The following FBXL17 variants were observed in gnomAD, a reference collection of about 807,000 sequenced individuals.
FBXL17 encodes F-box/LRR-repeat protein 17.
Under a neutral mutation model 66.2 loss-of-function variants are expected in FBXL17, and 22 were observed. The ratio of observed to expected loss-of-function variants is 0.33; its 90% confidence interval spans 0.24 to 0.47. The LOEUF is 0.47. Among genes scored for constraint, FBXL17 ranks in the 20% least tolerant of loss-of-function variants. The pLI, the probability that FBXL17 is intolerant of heterozygous loss-of-function variation, is 1.00. For synonymous variants in FBXL17, 474 were observed against 400.5 expected (o/e 1.18, Z -2.19); for missense variants, 878 against 948.2 (o/e 0.93, Z 0.97).
intron 7 of FBXL17, among the ~76,000 whole-genome samples, chr5:107,884,748 G>A (rs917992978): frequency 4.6e-5 from 7 of 152,258 alleles, no homozygotes; most frequent in African/African-American, 1.2e-4. Flanking sequence ...GAGTCTCAGC[G>A]TCCTTACCTG....
intron 7 of FBXL17, among the ~76,000 whole-genome samples, chr5:107,973,474 C>T (rs1226880547): frequency 6.6e-6 from 1 of 150,954 alleles, no homozygotes; most frequent in Admixed American, 6.6e-5. Context: ...AGATTGGACA[C>T]CCCATTTTTA....
At chr5:108,292,441 T>C (rs1758152819) in intron 4 of FBXL17, among the ~76,000 whole-genome samples, 1 of 152,092 alleles carries the variant, frequency 6.6e-6, no homozygotes, top group Admixed American at 6.6e-5. Flanking sequence ...TTTTATAGTC[T>C]GTATCTCTAG....
chr5:108,243,613 T>A (rs549405972), intron 4 of FBXL17, among the ~76,000 whole-genome samples: 32 of 152,346 alleles, frequency 2.1e-4, no homozygotes, highest in Admixed American at 2.6e-4. Context: ...TTTGGTTAAG[T>A]GTTTTAACTC....
chr5:108,307,516 C>G (rs1758904474), intron 4 of FBXL17, among the ~76,000 whole-genome samples: 1 of 152,022 alleles, frequency 6.6e-6, no homozygotes, highest in Admixed American at 6.6e-5. Context: ...CTATATTGCC[C>G]TGGGTAGTCT....
At chr5:107,949,697 G>T (rs1010834895) in intron 7 of FBXL17, among the ~76,000 whole-genome samples, 1 of 152,296 alleles carries the variant, frequency 6.6e-6, no homozygotes, top group Middle Eastern at 3.4e-3. Flanking sequence ...GACTAGATAA[G>T]AGCAGCTAAC....
At chr5:108,290,998 C>T (rs778648368) in intron 4 of FBXL17, among the ~76,000 whole-genome samples, 1 of 152,096 alleles carries the variant, frequency 6.6e-6, no homozygotes, top group Non-Finnish European at 1.5e-5. Context: ...GAAGTTCATA[C>T]CACATATGCA....
intron 7 of FBXL17, among the ~76,000 whole-genome samples, chr5:108,010,495 G>C (rs1393979044): frequency 6.6e-6 from 1 of 152,130 alleles, no homozygotes; most frequent in Non-Finnish European, 1.5e-5. Context: ...TAATGAGAAG[G>C]CTGGACCTGT....
chr5:108,351,140 C>T (rs952916556), intron 3 of FBXL17, among the ~76,000 whole-genome samples: 2 of 152,012 alleles, frequency 1.3e-5, no homozygotes, highest in African/African-American at 4.8e-5. Context: ...AATAAAAAGA[C>T]ATTTATTAAT....
intron 4 of FBXL17, among the ~76,000 whole-genome samples, chr5:108,272,009 G>A (rs1402930701): frequency 1.3e-5 from 2 of 152,138 alleles, no homozygotes; most frequent in African/African-American, 2.4e-5. Flanking sequence ...AGCAACCAAC[G>A]GCCGGGTGCA....
At chr5:108,269,958 A>G (rs1287218529) in intron 4 of FBXL17, among the ~76,000 whole-genome samples, 1 of 152,136 alleles carries the variant, frequency 6.6e-6, no homozygotes, top group Non-Finnish European at 1.5e-5. Context: ...GAATGTGGCT[A>G]TATCCCCTCA....
rs558936318 is a variant in FBXL17 at position 108,328,229 on chromosome 5, A to G, written c.1506+20170T>C. On this transcript the variant is annotated intron_variant, in intron 4 of 8. Coordinates refer to ENST00000542267, the MANE Select transcript of FBXL17 (RefSeq NM_001163315.3). ...AAGTATATAGTATTGAACATTATTT[A>G]AAGTATCTTAAGCCTGTTTATTCTT... Among the ~76,000 whole-genome samples the G allele has an allele frequency of 2.6e-5, 4 of 152,248 alleles. No homozygotes were observed. In the South Asian group the frequency reaches 8.3e-4, roughly 32 times the overall value.
At chr5:108,319,364 G>C (rs4457056) in intron 4 of FBXL17, among the ~76,000 whole-genome samples, 1,761 of 151,852 alleles carry the variant, frequency 0.012, 29 homozygotes, top group African/African-American at 0.038. Context: ...CTTATTTCTT[G>C]AATTAAAGCA....
intron 7 of FBXL17, among the ~76,000 whole-genome samples, chr5:107,984,102 C>T (rs1334795605): frequency 6.6e-6 from 1 of 152,148 alleles, no homozygotes; most frequent in East Asian, 1.9e-4. Flanking sequence ...AGTGAGCAAG[C>T]TCGGCCTTGG....
At chr5:108,298,063 C>T (rs1758420901) in intron 4 of FBXL17, 2 of 981,198 alleles carry the variant, frequency 2.0e-6, no homozygotes, top group African/African-American at 1.8e-5. Context: ...GCAATTACTC[C>T]TGAATTGCCA....
At chr5:108,207,076 T>C (rs1341276264) in intron 5 of FBXL17, among the ~76,000 whole-genome samples, 1 of 152,132 alleles carries the variant, frequency 6.6e-6, no homozygotes, top group East Asian at 1.9e-4. Flanking sequence ...TTAATAACAA[T>C]AACTAATAAT....
chr5:108,030,582 AAT>A (rs1746577663), intron 6 of FBXL17, among the ~76,000 whole-genome samples: 1 of 152,126 alleles, frequency 6.6e-6, no homozygotes, highest in Non-Finnish European at 1.5e-5. Context: ...ACTATTAATT[AAT>A]ACAGTTACTG....
At chr5:108,369,546 T>A (rs1319868946) in intron 1 of FBXL17, among the ~76,000 whole-genome samples, 1 of 152,114 alleles carries the variant, frequency 6.6e-6, no homozygotes, top group Non-Finnish European at 1.5e-5. Context: ...CTCTGTACTA[T>A]CATTGCAATT....
chr5:108,084,120 T>C (rs1748879748), intron 6 of FBXL17, among the ~76,000 whole-genome samples: 1 of 152,192 alleles, frequency 6.6e-6, no homozygotes, highest in African/African-American at 2.4e-5. Context: ...ACCTTCCTCT[T>C]GGAAGGTTAA....
intron 7 of FBXL17, among the ~76,000 whole-genome samples, chr5:107,921,118 T>C (rs1161588851): frequency 1.3e-5 from 2 of 152,198 alleles, no homozygotes; most frequent in Non-Finnish European, 2.9e-5. Flanking sequence ...AAAAATAACA[T>C]TGTATTGTTC....
Sources: gnomAD v4.1 joint callset for allele counts (sites outside exome capture counted in the v4.1 genomes callset) on GRCh38, gnomAD v4.1.1 for gene constraint, MANE v1.5 for transcripts, NCBI Gene and HGNC (gene_info 2026-07-23, HGNC 2026-07-21) for gene names.